The following SHBG variants were observed in gnomAD, a reference collection of about 807,000 sequenced individuals.
The protein encoded by SHBG is sex hormone binding globulin, also known as sex hormone-binding globulin.
Under a neutral mutation model 41.9 loss-of-function variants are expected in SHBG, and 37 were observed. The ratio of observed to expected loss-of-function variants is 0.88; its 90% CI spans 0.68 to 1.16. The LOEUF is 1.16. Among genes scored for constraint, SHBG ranks in the 50% most tolerant of loss-of-function variants. The pLI, the probability that SHBG is intolerant of heterozygous loss-of-function variation, is 0.00. For synonymous variants in SHBG, 217 were observed against 205.8 expected, an observed-to-expected ratio of 1.05 and a Z score of -0.47; for missense variants, 466 against 499.9, an observed-to-expected ratio of 0.93 and a Z score of 0.65.
upstream of SHBG, chr17:7,626,951 T>A (rs1409974959): frequency 6.2e-7 from 1 of 1,613,670 alleles, no homozygotes; most frequent in African/African-American, 1.3e-5. Flanking sequence ...ACCCCGATAT[T>A]CCGGCATCAC....
chr17:7,614,396 C>T, intron 1 of SHBG: 2 of 1,307,554 alleles, frequency 1.5e-6, no homozygotes, highest in Non-Finnish European at 2.1e-6. Context: ...CGCGTTCCTG[C>T]TCCGGCCAGG....
At chr17:7,627,495 C>A, upstream of SHBG, 2 of 1,594,894 alleles carry the variant, frequency 1.3e-6, no homozygotes, top group South Asian at 1.1e-5. This position sits in a 1 kb window ranked among gnomAD's most constrained non-coding sequence, Gnocchi z 4.8. Flanking sequence ...GAGCCCCTCC[C>A]CCTGCCCCCG....
rs753173027 is a variant in SHBG at position 7,630,770 on chromosome 17, G to A, written c.294G>A (p.Leu98=). The A allele has an allele frequency of 5.6e-6, 9 of 1,614,046 alleles. No homozygotes were observed. In the South Asian group the frequency reaches 8.8e-5, roughly 16 times the overall value. The change falls in exon 3 of 8, where the codon CTG becomes CTA. Residue 98 remains leucine, a synonymous_variant. Coordinates refer to ENST00000380450, the MANE Select transcript of SHBG (RefSeq NM_001040.5). This position sits in a 1 kb window ranked among gnomAD's most constrained non-coding sequence, Gnocchi z 4.6. ...DTNPKDDWFM[L]GLRDGRPEIQ... is the part of the protein sequence containing the mutation. ...ACCCTAAGGATGACTGGTTTATGCTGGGACTTCGAGACGGCAGGCCTGAGA... is the reference window on the plus strand; with the variant it reads ...ACCCTAAGGATGACTGGTTTATGCTAGGACTTCGAGACGGCAGGCCTGAGA...
At chr17:7,621,547 G>A (rs566905442) in intron 1 of SHBG, among the ~76,000 whole-genome samples, 1 of 111,202 alleles carries the variant, frequency 9.0e-6, no homozygotes, top group African/African-American at 3.4e-5. Context: ...GTTGCAGTGA[G>A]CCAAGATCAT....
At position 7,630,816 on chromosome 17, in the gene SHBG, G is replaced by A. The variant is rs1343613109; in HGVS notation, c.340G>A (p.Ala114Thr). Residue 114 changes from alanine (A) to threonine (T), a missense_variant, in exon 3 of 8, where the codon GCC (alanine) becomes ACC (threonine). By Grantham distance (58) the Ala-to-Thr change is moderately conservative. Transcript: ENST00000380450. The surrounding 1 kb of genome is among the most constrained non-coding windows in gnomAD (Gnocchi z 4.6). The stretch of plus-strand genomic sequence containing the variant: ...TGAGATCCAACTGCACAATCACTGG[G>A]CCCAGCTTACGGTGGGTGCTGGACC... ...RPEIQLHNHW[A>T]QLTVGAGPRL... The A allele has an allele frequency of 1.9e-6, 3 of 1,613,966 alleles. No homozygotes were observed. Among genetic ancestry groups the A allele is most frequent in the South Asian group, 2.2e-5 (2 of 91,070 alleles).
Position 7,622,091 on chromosome 17 carries a change from C to T in SHBG, c.-62+7980C>T, listed in dbSNP as rs184082315. Reference sequence around the variant, plus strand: ...AACTCCTGACCTCAAATGATCTACCCGCCTCGGCCTCCCAAAGTGCTGGGA... The same window carrying T: ...AACTCCTGACCTCAAATGATCTACCTGCCTCGGCCTCCCAAAGTGCTGGGA... On this transcript the variant is annotated intron_variant, in intron 1 of 5. Coordinates refer to the SHBG transcript ENST00000570547. Among the ~76,000 whole-genome samples the T allele has an allele frequency of 3.8e-3, 575 of 151,572 alleles. 3 individuals carry two copies. Among genetic ancestry groups the T allele is most frequent in the African/African-American group, 0.013 (529 of 41,316 alleles).
Position 7,631,616 on chromosome 17 carries a change from C to T in SHBG, c.583C>T (p.Arg195Cys), listed in dbSNP as rs942605472. The change falls in exon 5 of 8, where the codon CGC (arginine) becomes TGC (cysteine). Residue 195 changes from arginine (R) to cysteine (C), a missense_variant. Arg to Cys is a radical substitution (Grantham distance 180, BLOSUM62 -3). Coordinates refer to ENST00000380450, the MANE Select transcript of SHBG (RefSeq NM_001040.5). Reference sequence around the variant, plus strand: ...GGTTCCTGCCCTGGATGGCTGCCTGCGCCGGGATTCCTGGCTGGACAAACA... The same window carrying T: ...GGTTCCTGCCCTGGATGGCTGCCTGTGCCGGGATTCCTGGCTGGACAAACA... ...PLVPALDGCL[R>C]RDSWLDKQAE... 17 of 1,614,016 alleles carry T rather than the reference C, an allele frequency of 1.1e-5. No homozygotes were observed. The East Asian group carries it at 1.1e-4, about 11-fold the overall frequency.
intron 5 of SHBG, 45 bp downstream of exon 5, chr17:7,631,793 C>T (rs368894566): frequency 1.1e-5 from 17 of 1,612,882 alleles, no homozygotes; most frequent in Non-Finnish European, 1.4e-5. Context: ...GCCAGCTCAG[C>T]CTGCCTCTGT....
chr17:7,614,305 C>T (rs1356947000), intron 1 of SHBG: 1 of 681,974 alleles, frequency 1.5e-6, no homozygotes, highest in African/African-American at 1.8e-5. Context: ...TAAGCGGTCT[C>T]CCAGGGAAGG....
intron 1 of SHBG, among the ~76,000 whole-genome samples, chr17:7,615,433 A>G (rs1010456504): frequency 6.6e-6 from 1 of 152,336 alleles, no homozygotes; most frequent in South Asian, 2.1e-4. Context: ...CATCGCCGAT[A>G]TTTTAAGAAT....
At chr17:7,625,585 T>G (rs191047534), upstream of SHBG, among the ~76,000 whole-genome samples, 79 of 143,062 alleles carry the variant, frequency 5.5e-4, no homozygotes, top group African/African-American at 1.5e-3. Flanking sequence ...TCAAAAAAAA[T>G]AAAAAGAAAA....
In SHBG at chr17:7,614,392, C is replaced by G. The variant is rs1369507739; in HGVS notation, c.-62+281C>G. 2.4e-6 allele frequency: 3 copies of G among 1,267,880 alleles called. No homozygotes were observed. The East Asian group carries it at 7.7e-5, about 33-fold the overall frequency. The allele number at this position is 1,267,880 out of a possible 1,614,324, so 78.5% of individuals were successfully genotyped here. A position where few individuals can be genotyped will look rare whatever the true frequency, so the allele number is the denominator to read the frequency against. On this transcript the variant is annotated intron_variant, in intron 1 of 5. Coordinates refer to the SHBG transcript ENST00000570547. The stretch of plus-strand genomic sequence containing the variant: ...GAAGCTCGATCCCGCCCCACGCGTT[C>G]CTGCTCCGGCCAGGGGAGGGGGCTA...
chr17:7,626,462 C>T, upstream of SHBG: 1 of 1,614,016 alleles, frequency 6.2e-7, no homozygotes, highest in Non-Finnish European at 8.5e-7. Flanking sequence ...TTCCTGCCAA[C>T]TTTCTCGTTG....
At chr17:7,628,138 C>G (rs758541388), upstream of SHBG, 1 of 459,502 alleles carries the variant, frequency 2.2e-6, no homozygotes. Context: ...CTCACTCACC[C>G]GCCCAGACCC....
intron 6 of SHBG, among the ~76,000 whole-genome samples, chr17:7,632,340 A>G (rs1371957179): frequency 6.6e-6 from 1 of 151,454 alleles, no homozygotes; most frequent in East Asian, 1.9e-4. Context: ...GCTATTTAGG[A>G]GCCTGAGGCA....
chr17:7,619,722 A>G (rs897907476), intron 1 of SHBG, among the ~76,000 whole-genome samples: 1 of 152,058 alleles, frequency 6.6e-6, no homozygotes, highest in African/African-American at 2.4e-5. Flanking sequence ...AAAAAAAAAA[A>G]AAAAAAGTAA....
At chr17:7,621,784 A>G (rs572942100) in intron 1 of SHBG, among the ~76,000 whole-genome samples, 1 of 152,006 alleles carries the variant, frequency 6.6e-6, no homozygotes, top group African/African-American at 2.4e-5. Flanking sequence ...GGCAATTTTC[A>G]AAGAGTGAGA....
At position 7,631,720 on chromosome 17, in the gene SHBG, A is replaced by G. The variant is rs1304591717; in HGVS notation, c.687A>G (p.Pro229=). 4.3e-6 allele frequency: 7 copies of G among 1,613,982 alleles called. No individual in the cohort carries two copies. In the Admixed American group the frequency reaches 8.3e-5, roughly 19 times the overall value. ...CAAATCCCGGGATATTTCTCCCTCC[A>G]GGGACTCAGGCAGAATTCAATCTCC... ...VESNPGIFLP[P]GTQAEFNLRD... is the part of the protein sequence containing the mutation. Residue 229 remains proline (P), a synonymous_variant, in exon 5 of 8, where the codon CCA becomes CCG. Coordinates refer to ENST00000380450, the MANE Select transcript of SHBG (RefSeq NM_001040.5).
intron 1 of SHBG, among the ~76,000 whole-genome samples, chr17:7,622,687 A>G (rs2072119669): frequency 6.6e-6 from 1 of 152,062 alleles, no homozygotes; most frequent in African/African-American, 2.4e-5. Context: ...AAGATATTCT[A>G]TGAATATTAG....
Sources: allele counts gnomAD v4.1 joint callset (sites outside exome capture counted in the v4.1 genomes callset), GRCh38; gene constraint gnomAD v4.1.1; non-coding constraint Gnocchi (gnomAD v3.1); transcripts MANE v1.5; gene names NCBI Gene and HGNC (gene_info 2026-07-23, HGNC 2026-07-21).